The following WWC2 variants were observed in gnomAD, a reference collection of about 807,000 sequenced individuals.
The protein encoded by WWC2 is protein WWC2.
WWC2 carries 101 observed loss-of-function variants against 138.5 expected under a neutral mutation model. The observed-to-expected ratio is 0.73, with a 90% CI of 0.62 to 0.86. The LOEUF is 0.86. WWC2 is among the 40% of genes least tolerant of loss of function. The pLI is 0.00. For missense variants in WWC2, 1,420 were observed against 1,419.4 expected (o/e 1.00, Z -0.01); for synonymous variants, 558 against 538.4 (o/e 1.04, Z -0.50).
chr4:183,135,567 C>T (rs956264038), intron 1 of WWC2, among the ~76,000 whole-genome samples: 2 of 151,992 alleles, frequency 1.3e-5, no homozygotes, highest in East Asian at 1.9e-4. Flanking sequence ...TATAGATACA[C>T]ATGTAGAAAG....
chr4:183,289,726 TGC>T, intron 21 of WWC2, 91 bp downstream of exon 21: 1 of 1,521,698 alleles, frequency 6.6e-7, no homozygotes, highest in South Asian at 1.3e-5. Context: ...ACTTCTGTTT[TGC>T]GCATAAGTCT....
intron 1 of WWC2, among the ~76,000 whole-genome samples, chr4:183,170,877 G>T (rs532208691): frequency 6.7e-6 from 1 of 150,020 alleles, no homozygotes; most frequent in Non-Finnish European, 1.5e-5. Flanking sequence ...AGAGAGTCTC[G>T]CTATATTTCC....
intron 4 of WWC2, among the ~76,000 whole-genome samples, chr4:183,218,844 C>T (rs12643595): frequency 0.089 from 13,614 of 152,198 alleles, 817 homozygotes; most frequent in East Asian, 0.17. Flanking sequence ...TTATGGAGGG[C>T]AATCTGTATA....
Position 183,284,238 on chromosome 4 carries a change from A to G in WWC2, c.2896A>G (p.Thr966Ala). ...TRIPTLVDKE[T>A]NTDEAANDNM... ...ACTTCTCTTATAGGTTGACAAAGAG[A>G]CAAACACTGATGAAGCCGCTAATGA... The change falls in exon 19 of 23, where the codon ACA becomes GCA. Residue 966 changes from threonine to alanine, a missense_variant. Coordinates refer to ENST00000403733, the MANE Select transcript of WWC2 (RefSeq NM_024949.6). 1 of 1,613,870 alleles carries G rather than the reference A, an allele frequency of 6.2e-7. No individual in the cohort carries two copies. The highest frequency in any genetic ancestry group is 1.1e-5 in the South Asian group (1 of 91,084).
At chr4:183,141,054 A>G (rs1367406784) in intron 1 of WWC2, among the ~76,000 whole-genome samples, 1 of 152,240 alleles carries the variant, frequency 6.6e-6, no homozygotes, top group African/African-American at 2.4e-5. Context: ...AGTACCGAAC[A>G]GCCAGAAGAA....
intron 4 of WWC2, among the ~76,000 whole-genome samples, chr4:183,216,603 A>G (rs1024425799): frequency 4.6e-5 from 7 of 152,232 alleles, no homozygotes; most frequent in African/African-American, 1.7e-4. Context: ...TAACAGTAGA[A>G]GACTGTAATT....
intron 4 of WWC2, among the ~76,000 whole-genome samples, chr4:183,238,915 C>T (rs1348643703): frequency 6.6e-6 from 1 of 152,112 alleles, no homozygotes; most frequent in Non-Finnish European, 1.5e-5. Context: ...AGGCCTAGCA[C>T]CAGACACATA....
At chr4:183,307,920 T>C (rs1001839688) in intron 21 of WWC2, among the ~76,000 whole-genome samples, 5 of 152,206 alleles carry the variant, frequency 3.3e-5, no homozygotes, top group African/African-American at 9.7e-5. Context: ...TTGTCTTTGT[T>C]TGTCTTTGTT....
chr4:183,309,398 A>G (rs1739138205), intron 21 of WWC2, among the ~76,000 whole-genome samples: 1 of 151,170 alleles, frequency 6.6e-6, no homozygotes, highest in South Asian at 2.1e-4. Flanking sequence ...TACAAAACAA[A>G]CACCCAGTTT....
intron 1 of WWC2, among the ~76,000 whole-genome samples, chr4:183,134,437 C>T (rs1238617270): frequency 6.6e-6 from 1 of 151,780 alleles, no homozygotes; most frequent in African/African-American, 2.4e-5. Context: ...ACTTGAATCT[C>T]ATGTTTTTAT....
chr4:183,313,718 A>G (rs1319365027), intron 22 of WWC2, among the ~76,000 whole-genome samples: 1 of 151,732 alleles, frequency 6.6e-6, no homozygotes, highest in African/African-American at 2.4e-5. Flanking sequence ...GTGGGCACCA[A>G]TCACTGAAGG....
chr4:183,248,474 C>T (rs966476959), intron 6 of WWC2, among the ~76,000 whole-genome samples: 8 of 152,112 alleles, frequency 5.3e-5, no homozygotes, highest in Middle Eastern at 3.2e-3. Context: ...TAGGAAAATG[C>T]TGTTTTGAGA....
intron 21 of WWC2, among the ~76,000 whole-genome samples, chr4:183,309,172 A>G (rs1332320177): frequency 6.6e-6 from 1 of 152,196 alleles, no homozygotes; most frequent in Non-Finnish European, 1.5e-5. Context: ...GACCTTGGGT[A>G]TGGCAGTGAC....
intron 1 of WWC2, among the ~76,000 whole-genome samples, chr4:183,134,136 G>T (rs184390596): frequency 6.8e-4 from 103 of 151,736 alleles, no homozygotes; most frequent in African/African-American, 2.3e-3. Flanking sequence ...AACATCTGTT[G>T]TCTCTCTTGC....
At position 183,253,766 on chromosome 4, in the gene WWC2, C is replaced by A; in HGVS notation, c.963C>A (p.Asn321Lys). ...ATCTTTTTTTTTTTAGTATGGCCAA[C>A]TTAAAAATTGAACTGTCAAAATTGG... ...QYEEAKRSMA[N>K]LKIELSKLDS... Residue 321 changes from asparagine (N) to lysine (K), a missense_variant, in exon 9 of 23, where the codon AAC becomes AAA. Asn to Lys is a moderately conservative substitution (Grantham distance 94, BLOSUM62 0). Transcript: ENST00000403733. 6.2e-7 allele frequency: 1 copy of A among 1,606,834 alleles called. No individual in the cohort carries two copies. Among genetic ancestry groups the A allele is most frequent in the Admixed American group, 1.7e-5 (1 of 58,042 alleles).
At position 183,308,786 on chromosome 4, in the gene WWC2, G is replaced by A. The variant is rs141574479; in HGVS notation, c.3385-3555G>A. Among the ~76,000 whole-genome samples the A allele has an allele frequency of 6.0e-3, 919 of 152,070 alleles. 3 individuals are homozygous for A. Among genetic ancestry groups the A allele is most frequent in the Non-Finnish European group, 0.011 (717 of 68,004 alleles). Reference sequence around the variant, plus strand: ...AATGACAGTAGTAATACAGTATAATGTAGTAATAATAATGTCATTAATGGA... The same window carrying A: ...AATGACAGTAGTAATACAGTATAATATAGTAATAATAATGTCATTAATGGA... On this transcript the variant is annotated intron_variant, in intron 21 of 22. Coordinates refer to ENST00000403733, the MANE Select transcript of WWC2 (RefSeq NM_024949.6).
At chr4:183,209,587 T>C (rs1560844346) in intron 4 of WWC2, among the ~76,000 whole-genome samples, 1 of 152,122 alleles carries the variant, frequency 6.6e-6, no homozygotes, top group Non-Finnish European at 1.5e-5. Context: ...AAAATTTGAG[T>C]CTTGTAACTT....
At chr4:183,262,820 A>G (rs1737374103) in intron 11 of WWC2, among the ~76,000 whole-genome samples, 1 of 152,002 alleles carries the variant, frequency 6.6e-6, no homozygotes, top group African/African-American at 2.4e-5. Context: ...GGGGGTGCAT[A>G]CCACTCCTGG....
rs370560751 is a variant in WWC2, at chr4:183,113,620, C to T, written c.131+13998C>T. ...AGTATGTTGCCAGGCTGGTCTCAAA[C>T]TCCTGGCTTCAAGCAGTCCTCCCTC... On this transcript the variant is annotated intron_variant, in intron 1 of 22. Transcript: ENST00000403733. 4.6e-5 allele frequency among the ~76,000 whole-genome samples: 7 copies of T among 152,066 alleles called. No homozygotes were observed. In the East Asian group the frequency reaches 1.2e-3, roughly 26 times the overall value.
Sources: gnomAD v4.1 joint callset for allele counts (sites outside exome capture counted in the v4.1 genomes callset) on GRCh38, gnomAD v4.1.1 for gene constraint, MANE v1.5 for transcripts, NCBI Gene and HGNC (gene_info 2026-07-23, HGNC 2026-07-21) for gene names.